WRN: variants seen among roughly 807,000 people sequenced by gnomAD.
The protein encoded by WRN is bifunctional 3'-5' exonuclease/ATP-dependent helicase WRN.
In WRN, 149 loss-of-function variants were observed where a neutral mutation model predicts 180.7. The observed-to-expected ratio is 0.82, with a 90% CI of 0.72 to 0.94. The LOEUF is 0.94. WRN is among the 40% of genes least tolerant of loss of function. WRN has a pLI of 0.00. For missense variants in WRN, 1,661 were observed against 1,700.1 expected (o/e 0.98, Z 0.40); for synonymous variants, 548 against 568.9 (o/e 0.96, Z 0.52).
chr8:31,116,554 T>C (rs1436028075), intron 20 of WRN, 26 bp downstream of exon 20: 1 of 1,612,712 alleles, frequency 6.2e-7, no homozygotes, highest in East Asian at 2.2e-5. Flanking sequence ...ATCATTGCTC[T>C]CCGTTGCTCA....
intron 3 of WRN, among the ~76,000 whole-genome samples, chr8:31,059,849 G>A (rs1006290539): frequency 6.6e-6 from 1 of 152,170 alleles, no homozygotes; most frequent in African/African-American, 2.4e-5. Flanking sequence ...AAGGTCAGGA[G>A]ATTGAGACCA....
chr8:31,130,078 C>G (rs1160759750), intron 23 of WRN, among the ~76,000 whole-genome samples: 1 of 149,226 alleles, frequency 6.7e-6, no homozygotes, highest in Non-Finnish European at 1.5e-5. Flanking sequence ...CATTCTAGCT[C>G]TTTGGGAGAC....
At chr8:31,160,591 G>A (rs1021998347) in intron 33 of WRN, among the ~76,000 whole-genome samples, 9 of 152,172 alleles carry the variant, frequency 5.9e-5, no homozygotes, top group African/African-American at 1.9e-4. Context: ...CATGCTCATC[G>A]TGTGGAATTT....
rs556456532 is a variant in WRN at position 31,149,132 on chromosome 8, C to T, written c.3573-1209C>T. Among the ~76,000 whole-genome samples the T allele has an allele frequency of 4.6e-5, 7 of 152,254 alleles. 1 individual carries two copies. The South Asian group carries it at 1.4e-3, about 32-fold the overall frequency. ...AATATTCTGGCCGGGCGCTGTGGCT[C>T]ACGCTTGTAAATCCCAGGACTTTGG... On this transcript the variant is annotated intron_variant, in intron 30 of 34. Transcript: ENST00000298139.
At chr8:31,110,488 TAA>T (rs11574278) in intron 18 of WRN, among the ~76,000 whole-genome samples, 368 of 152,288 alleles carry the variant, frequency 2.4e-3, no homozygotes, top group Non-Finnish European at 4.1e-3. Flanking sequence ...TTTTTAAATA[TAA>T]GTTTGGAGAT....
intron 17 of WRN, among the ~76,000 whole-genome samples, 170 bp from the exon 18 acceptor site, chr8:31,100,679 C>G (rs1394390437): frequency 6.6e-6 from 1 of 152,108 alleles, no homozygotes; most frequent in African/African-American, 2.4e-5. Context: ...CTCCCCTCTC[C>G]CTATTTCCAA....
At chr8:31,097,989 CT>C (rs1348608998) in intron 17 of WRN, among the ~76,000 whole-genome samples, 2 of 152,090 alleles carry the variant, frequency 1.3e-5, no homozygotes, top group Admixed American at 1.3e-4. Flanking sequence ...TTAATGGTTA[CT>C]TTCATATAAC....
At chr8:31,056,168 A>G (rs1812263402) in intron 1 of WRN, among the ~76,000 whole-genome samples, 1 of 152,226 alleles carries the variant, frequency 6.6e-6, no homozygotes, top group African/African-American at 2.4e-5. Context: ...TAAATGAATT[A>G]CTTACAAAAT....
At chr8:31,120,543 A>T in intron 21 of WRN, 119 bp downstream of exon 21, 5 of 481,338 alleles carry the variant, frequency 1.0e-5, no homozygotes, top group Admixed American at 9.7e-5. Flanking sequence ...ATTTAAAGTA[A>T]AAAAAAAAAA....
intron 1 of WRN, among the ~76,000 whole-genome samples, chr8:31,034,543 A>C (rs1415276422): frequency 6.6e-6 from 1 of 152,190 alleles, no homozygotes; most frequent in Non-Finnish European, 1.5e-5. Flanking sequence ...ATGGTTCGGT[A>C]CATTTCTTTT....
intron 16 of WRN, among the ~76,000 whole-genome samples, chr8:31,095,130 C>T (rs1282509223): frequency 6.6e-6 from 1 of 152,188 alleles, no homozygotes; most frequent in Non-Finnish European, 1.5e-5. Flanking sequence ...TGATCTTTAA[C>T]TTAAGCCATT....
At position 31,143,569 on chromosome 8, in the gene WRN, A is replaced by T; in HGVS notation, c.3329A>T (p.Tyr1110Phe). 6.3e-7 allele frequency: 1 copy of T among 1,593,506 alleles called. No individual in the cohort carries two copies. The highest frequency in any genetic ancestry group is 8.6e-7 in the Non-Finnish European group (1 of 1,163,762). The change falls in exon 28 of 35, where the codon TAT becomes TTT. Residue 1110 changes from tyrosine to phenylalanine, a missense_variant. Tyr to Phe is a conservative substitution (Grantham distance 22, BLOSUM62 3). Around this residue, in one of 3 missense-constraint regions of WRN, gnomAD observed 1,141 missense variants for 1,149.4 expected, o/e 0.99. Transcript: ENST00000298139. ...TEKKSNLEKL[Y>F]SYKPCDKISS... ...ATGCAGTCTAACTTGGAGAAGTTATATTCTTATAAACCATGTGATAAGATT... is the reference window on the plus strand; with the variant it reads ...ATGCAGTCTAACTTGGAGAAGTTATTTTCTTATAAACCATGTGATAAGATT...
At chr8:31,146,203 A>G (rs1200081270) in intron 28 of WRN, among the ~76,000 whole-genome samples, 1 of 151,278 alleles carries the variant, frequency 6.6e-6, no homozygotes. Context: ...GAAATTTTCT[A>G]CTCATCTCCT....
At position 31,083,705 on chromosome 8, in the gene WRN, T is replaced by A; in HGVS notation, c.1276T>A (p.Ser426Thr). The A allele has an allele frequency of 1.2e-6, 2 of 1,611,428 alleles. No individual in the cohort carries two copies. Among genetic ancestry groups the A allele is most frequent in the Non-Finnish European group, 1.7e-6 (2 of 1,178,020 alleles). ...CTTAATACTTTTTTTAAAGCATTTA[T>A]CTCCCAATGATAATGAAAACGATAC... ...DIAYKSTEHL[S>T]PNDNENDTSY... The change falls in exon 10 of 35, where the codon TCT (serine) becomes ACT (threonine). Residue 426 changes from serine (S) to threonine (T), a missense_variant. Ser to Thr is a moderately conservative substitution (Grantham distance 58). Transcript: ENST00000298139.
intron 1 of WRN, among the ~76,000 whole-genome samples, chr8:31,036,379 C>A (rs1395006126): frequency 9.9e-5 from 15 of 152,146 alleles, no homozygotes; most frequent in Admixed American, 7.9e-4. Flanking sequence ...TGAATATATA[C>A]CCTGTAGTGG....
chr8:31,064,560 A>G, intron 4 of WRN, 126 bp downstream of exon 4: 1 of 1,320,490 alleles, frequency 7.6e-7, no homozygotes, highest in South Asian at 1.3e-5. Flanking sequence ...TTAAGTATTT[A>G]TGTTCTACCT....
chr8:31,036,813 G>C (rs1811468342), intron 1 of WRN, among the ~76,000 whole-genome samples: 2 of 152,116 alleles, frequency 1.3e-5, no homozygotes, highest in Admixed American at 1.3e-4. Flanking sequence ...TGTAGATTCT[G>C]TCTTCAGTCT....
intron 29 of WRN, 65 bp downstream of exon 29, chr8:31,147,193 A>C (rs1023146429): frequency 6.4e-7 from 1 of 1,556,458 alleles, no homozygotes; most frequent in Admixed American, 1.7e-5. Context: ...GTATGCTTAA[A>C]ATTCTGTATT....
intron 9 of WRN, among the ~76,000 whole-genome samples, chr8:31,082,849 C>G (rs1458727446): frequency 6.6e-6 from 1 of 152,084 alleles, no homozygotes; most frequent in Non-Finnish European, 1.5e-5. Flanking sequence ...TGACTGACAT[C>G]TTTTACACCA....
Sources: allele counts gnomAD v4.1 joint callset (sites outside exome capture counted in the v4.1 genomes callset), GRCh38; gene constraint gnomAD v4.1.1; regional missense constraint gnomAD v4.1.1; transcripts MANE v1.5; gene names NCBI Gene and HGNC (gene_info 2026-07-23, HGNC 2026-07-21).